DNAH11: variants seen among roughly 807,000 people sequenced by gnomAD.
The protein encoded by DNAH11 is axonemal beta dynein heavy chain 11.
A neutral mutation model predicts 526.0 loss-of-function variants in DNAH11; 442 were observed. The ratio of observed to expected loss-of-function variants is 0.84; its 90% confidence interval spans 0.78 to 0.91. The LOEUF is 0.91. Ranked by LOEUF, DNAH11 falls within the 40% of genes least tolerant of loss-of-function variation. The pLI is 0.00. For missense variants in DNAH11, 6,989 were observed against 5,448.7 expected (o/e 1.28, Z -8.90); for synonymous variants, 2,461 against 1,935.9 (o/e 1.27, Z -7.12).
At chr7:21,893,809 G>A (rs922189625) in intron 77 of DNAH11, among the ~76,000 whole-genome samples, 5 of 152,188 alleles carry the variant, frequency 3.3e-5, no homozygotes, top group Non-Finnish European at 5.9e-5. Context: ...TTAGGATGCC[G>A]TGGTTGGGAG....
chr7:21,883,240 T>G (rs1028186589), intron 75 of DNAH11, among the ~76,000 whole-genome samples: 3 of 152,260 alleles, frequency 2.0e-5, no homozygotes, highest in Non-Finnish European at 4.4e-5. Flanking sequence ...ATGTTTTTAC[T>G]TAAACTGTTG....
intron 8 of DNAH11, among the ~76,000 whole-genome samples, chr7:21,578,793 A>G (rs1353645136): frequency 6.6e-6 from 1 of 152,164 alleles, no homozygotes; most frequent in African/African-American, 2.4e-5. Flanking sequence ...ACATGTGCCA[A>G]ACACAACTGC....
At chr7:21,719,488 G>C (rs749395074) in intron 43 of DNAH11, among the ~76,000 whole-genome samples, 1 of 152,174 alleles carries the variant, frequency 6.6e-6, no homozygotes, top group Non-Finnish European at 1.5e-5. Context: ...ATAGCGTCAC[G>C]TTGAGACCCT....
chr7:21,895,007 A>AC lies in DNAH11; in HGVS notation c.13049+12dup. The AC allele has an allele frequency of 6.2e-7, 1 of 1,611,820 alleles. No homozygotes were observed. The highest frequency in any genetic ancestry group is 8.5e-7 in the Non-Finnish European group (1 of 1,178,204). On this transcript the variant is annotated intron_variant, in intron 79 of 81. Coordinates refer to ENST00000409508, the MANE Select transcript of DNAH11 (RefSeq NM_001277115.2). The stretch of plus-strand genomic sequence containing the variant: ...TTATGGCCTAGCCCAGTGGTAAGCT[A>AC]CCCCATCCTCACTGCCACTGGCCCT...
chr7:21,653,886 C>T (rs1781895443), intron 28 of DNAH11, among the ~76,000 whole-genome samples: 1 of 152,150 alleles, frequency 6.6e-6, no homozygotes. Context: ...AAGTTCCTTG[C>T]CAATATTGGT....
chr7:21,879,444 AAAAAAAC>A (rs929821795), intron 74 of DNAH11, among the ~76,000 whole-genome samples: 4 of 151,970 alleles, frequency 2.6e-5, no homozygotes, highest in African/African-American at 4.8e-5. Flanking sequence ...ACTCCATCTC[AAAAAAAC>A]AAAAAACAAA....
At chr7:21,874,122 A>C (rs1355877609) in intron 74 of DNAH11, among the ~76,000 whole-genome samples, 1 of 151,936 alleles carries the variant, frequency 6.6e-6, no homozygotes, top group Non-Finnish European at 1.5e-5. Context: ...AATGTGGCAC[A>C]CTAGTATCTC....
chr7:21,641,598 C>A (rs1258188181), intron 28 of DNAH11, among the ~76,000 whole-genome samples: 1 of 152,174 alleles, frequency 6.6e-6, no homozygotes, highest in Non-Finnish European at 1.5e-5. Flanking sequence ...TTTAAATCAT[C>A]AAAAAATCCT....
In DNAH11 at chr7:21,591,354, G is replaced by T; in HGVS notation, c.2444G>T (p.Arg815Met). 1 of 1,613,800 alleles carries T rather than the reference G, an allele frequency of 6.2e-7. No homozygotes were observed. The highest frequency in any genetic ancestry group is 8.5e-7 in the Non-Finnish European group (1 of 1,179,720). Reference protein sequence around the residue: ...WQDDCWGYIERVRAATSELEH... With the variant: ...WQDDCWGYIEMVRAATSELEH... The stretch of plus-strand genomic sequence containing the variant: ...GATGACTGCTGGGGCTACATCGAGA[G>T]GGTGAGGGCAGCCACGTCCGAGTTG... The change falls in exon 14 of 82, where the codon AGG becomes ATG. Residue 815 changes from arginine to methionine, a missense_variant. By Grantham distance (91) the Arg-to-Met change is moderately conservative (BLOSUM62 -1). Coordinates refer to ENST00000409508, the MANE Select transcript of DNAH11 (RefSeq NM_001277115.2).
At chr7:21,898,264 C>T (rs748266831) in intron 79 of DNAH11, among the ~76,000 whole-genome samples, 2 of 152,124 alleles carry the variant, frequency 1.3e-5, no homozygotes, top group African/African-American at 2.4e-5. Context: ...TTCTTCTTAT[C>T]GTCGAGTATG....
chr7:21,744,354 C>A (rs897599808), intron 49 of DNAH11, 84 bp from the exon 50 acceptor site: 3 of 1,423,876 alleles, frequency 2.1e-6, no homozygotes, highest in Non-Finnish European at 2.9e-6. Flanking sequence ...GCTAAGTTCA[C>A]ATTTTAGTTT....
At chr7:21,615,819 G>A (rs1399245270) in intron 21 of DNAH11, among the ~76,000 whole-genome samples, 1 of 152,064 alleles carries the variant, frequency 6.6e-6, no homozygotes, top group Non-Finnish European at 1.5e-5. Context: ...TCAAGAAATG[G>A]TTGATGAGAG....
Position 21,690,835 on chromosome 7 carries a change from T to A in DNAH11, c.5995T>A (p.Tyr1999Asn), listed in dbSNP as rs1341360428. ...AATATTTATTACTATGAACCCGGGT[T>A]ATGCTGGTCGAACCGAATTACCGGA... ...VGIFITMNPG[Y>N]AGRTELPENL... Residue 1999 changes from tyrosine to asparagine, a missense_variant, in exon 35 of 82, where the codon TAT becomes AAT. Transcript: ENST00000409508. 6.2e-7 allele frequency: 1 copy of A among 1,612,758 alleles called. No homozygotes were observed. The highest frequency in any genetic ancestry group is 1.3e-5 in the African/African-American group (1 of 74,894).
intron 45 of DNAH11, among the ~76,000 whole-genome samples, chr7:21,730,343 G>A (rs1406980247): frequency 6.6e-6 from 1 of 152,204 alleles, no homozygotes; most frequent in East Asian, 1.9e-4. Flanking sequence ...AAACTTGGAG[G>A]ACTGGCATGA....
At chr7:21,878,529 T>C (rs1363540774) in intron 74 of DNAH11, among the ~76,000 whole-genome samples, 7 of 152,384 alleles carry the variant, frequency 4.6e-5, no homozygotes, top group Middle Eastern at 6.8e-3. Context: ...GTTTCTCTTT[T>C]CTGCCTTCAC....
Position 21,615,106 on chromosome 7 carries a change from C to G in DNAH11, c.3853-8C>G, listed in dbSNP as rs766175133. 3 of 1,605,278 alleles carry G rather than the reference C, an allele frequency of 1.9e-6. No individual in the cohort carries two copies. The highest frequency in any genetic ancestry group is 2.5e-6 in the Non-Finnish European group (3 of 1,176,884). ...GTTTGTATGCAGGTGTTTATGTTCT[C>G]TCCTTAGGCAAATGAAGAGCTTGAG... On this transcript the variant is annotated splice_region_variant and splice_polypyrimidine_tract_variant and intron_variant, in intron 20 of 81. Coordinates refer to ENST00000409508, the MANE Select transcript of DNAH11 (RefSeq NM_001277115.2).
At chr7:21,631,024 A>G (rs546152418) in intron 25 of DNAH11, among the ~76,000 whole-genome samples, 6 of 152,212 alleles carry the variant, frequency 3.9e-5, no homozygotes, top group South Asian at 2.1e-4. Flanking sequence ...AATTTACAAA[A>G]GAAAGAGGTT....
chr7:21,890,720 C>A (rs1026662304), intron 76 of DNAH11, among the ~76,000 whole-genome samples: 4 of 152,078 alleles, frequency 2.6e-5, no homozygotes, highest in Non-Finnish European at 5.9e-5. Context: ...ATTTTGGTCG[C>A]CCTGAGCCAG....
intron 34 of DNAH11, among the ~76,000 whole-genome samples, chr7:21,689,886 C>T (rs1783538790): frequency 6.6e-6 from 1 of 152,142 alleles, no homozygotes; most frequent in South Asian, 2.1e-4. Flanking sequence ...TTCCCTCTAC[C>T]TGTCTCTCAA....
Sources: allele counts gnomAD v4.1 joint callset (sites outside exome capture counted in the v4.1 genomes callset), GRCh38; gene constraint gnomAD v4.1.1; transcripts MANE v1.5; gene names NCBI Gene and HGNC (gene_info 2026-07-23, HGNC 2026-07-21).